KIAA1328: variants seen among roughly 807,000 people sequenced by gnomAD.
KIAA1328 encodes the protein protein hinderin.
A neutral mutation model predicts 68.1 loss-of-function variants in KIAA1328; 52 were observed. The observed-to-expected ratio is 0.76, with a 90% confidence interval of 0.61 to 0.96. The LOEUF (loss-of-function observed/expected upper bound fraction) is 0.96, where lower values mean the gene tolerates loss of function less well. Ranked by LOEUF, KIAA1328 falls within the 40% of genes least tolerant of loss-of-function variation. The probability of loss-of-function intolerance (pLI) is 0.00; values close to 1 mark genes in which losing one functional copy is unlikely to be tolerated. For synonymous variants in KIAA1328, 232 were observed against 239.4 expected, an observed-to-expected ratio of 0.97 and a Z score of 0.28; for missense variants, 641 against 677.6, an observed-to-expected ratio of 0.95 and a Z score of 0.60.
In KIAA1328 at chr18:37,076,236, G is replaced by A. The variant is rs1465346194; in HGVS notation, c.1232+8691G>A. ...AACAACCTGCTCCTGAATGACTACT[G>A]GGTACATAACGAAATGAAGGCAGAA... On this transcript the variant is annotated intron_variant, in intron 7 of 9. Coordinates refer to ENST00000280020, the MANE Select transcript of KIAA1328 (RefSeq NM_020776.3). 2.0e-5 allele frequency among the ~76,000 whole-genome samples: 3 copies of A among 152,188 alleles called. No homozygotes were observed. In the East Asian group the frequency reaches 5.8e-4, roughly 29 times the overall value.
intron 7 of KIAA1328, among the ~76,000 whole-genome samples, chr18:37,112,637 A>G (rs763724029): frequency 2.0e-4 from 30 of 152,240 alleles, no homozygotes; most frequent in African/African-American, 7.2e-4. Flanking sequence ...GCAACGGAAC[A>G]AAGCTGGACA....
At chr18:37,148,309 G>C (rs2058950461) in intron 7 of KIAA1328, among the ~76,000 whole-genome samples, 1 of 152,126 alleles carries the variant, frequency 6.6e-6, no homozygotes, top group Admixed American at 6.6e-5. Context: ...ACATGATCTT[G>C]TTCCTTTTTA....
At chr18:36,993,105 C>CA (rs957424404) in intron 6 of KIAA1328, among the ~76,000 whole-genome samples, 15 of 151,356 alleles carry the variant, frequency 9.9e-5, no homozygotes, top group African/African-American at 3.2e-4. Context: ...GATCCTGTCT[C>CA]AAAAAAACAA....
intron 1 of KIAA1328, among the ~76,000 whole-genome samples, chr18:36,833,884 A>T (rs909022807): frequency 6.6e-6 from 1 of 152,214 alleles, no homozygotes; most frequent in Non-Finnish European, 1.5e-5. Flanking sequence ...TTGTTCTTCA[A>T]AGCTAAAGTC....
intron 5 of KIAA1328, among the ~76,000 whole-genome samples, chr18:36,913,515 CACACACACTT>C (rs1361386570): frequency 8.4e-6 from 1 of 118,690 alleles, no homozygotes; most frequent in Non-Finnish European, 1.9e-5. Flanking sequence ...CACACACACA[CACACACACTT>C]AGAGGAAAGC....
At chr18:36,840,223 A>G (rs1269337252) in intron 3 of KIAA1328, among the ~76,000 whole-genome samples, 1 of 152,062 alleles carries the variant, frequency 6.6e-6, no homozygotes, top group Admixed American at 6.6e-5. Flanking sequence ...TCCAGTGATC[A>G]TTCTGTGTTG....
At chr18:37,042,792 G>A (rs1401314760) in intron 6 of KIAA1328, among the ~76,000 whole-genome samples, 1 of 152,048 alleles carries the variant, frequency 6.6e-6, no homozygotes, top group Non-Finnish European at 1.5e-5. Flanking sequence ...GGTCAAATTA[G>A]GATGTTTTTG....
chr18:36,875,722 G>C (rs1274395111), intron 4 of KIAA1328, among the ~76,000 whole-genome samples: 1 of 152,184 alleles, frequency 6.6e-6, no homozygotes, highest in East Asian at 1.9e-4. Context: ...GGAGTGGTGA[G>C]AGAGGGCATC....
chr18:37,109,680 A>G (rs551207273), intron 7 of KIAA1328, among the ~76,000 whole-genome samples: 1 of 152,370 alleles, frequency 6.6e-6, no homozygotes, highest in South Asian at 2.1e-4. Context: ...AAGCTGGTTA[A>G]TAAATTGTAT....
At chr18:37,041,794 C>T (rs1422339913) in intron 6 of KIAA1328, among the ~76,000 whole-genome samples, 1 of 152,056 alleles carries the variant, frequency 6.6e-6, no homozygotes. Flanking sequence ...AAGGTGAATA[C>T]CAACAGTATT....
At chr18:36,873,357 C>T (rs577181432) in intron 4 of KIAA1328, among the ~76,000 whole-genome samples, 4 of 152,306 alleles carry the variant, frequency 2.6e-5, no homozygotes, top group Admixed American at 6.5e-5. Context: ...AATGATTACC[C>T]TTCCTGCAAT....
chr18:37,219,737 G>T (rs937325587), intron 9 of KIAA1328, among the ~76,000 whole-genome samples: 7 of 152,266 alleles, frequency 4.6e-5, no homozygotes, highest in Middle Eastern at 3.4e-3. Flanking sequence ...GCCTGTCATG[G>T]CTTCCCTTGG....
At chr18:36,974,811 A>T (rs1304943063) in intron 6 of KIAA1328, among the ~76,000 whole-genome samples, 3 of 152,132 alleles carry the variant, frequency 2.0e-5, no homozygotes, top group African/African-American at 7.2e-5. Context: ...GGATTTTTCT[A>T]TTGTTCATTT....
At chr18:37,169,259 G>C (rs1412902596) in intron 8 of KIAA1328, among the ~76,000 whole-genome samples, 2 of 151,480 alleles carry the variant, frequency 1.3e-5, no homozygotes, top group African/African-American at 4.8e-5. Context: ...TCTGCCTCCT[G>C]GGTTCAAGCA....
intron 4 of KIAA1328, among the ~76,000 whole-genome samples, chr18:36,848,541 CTTTTTTTTTTTTTT>C (rs59271370): frequency 1.6e-4 from 6 of 38,144 alleles, no homozygotes; most frequent in African/African-American, 5.8e-4. Flanking sequence ...TCTATAGATG[CTTTTTTTTTTTTTT>C]TTTTTTTTTT....
At chr18:36,959,603 T>C (rs1202518210) in intron 6 of KIAA1328, among the ~76,000 whole-genome samples, 168 bp downstream of exon 6, 1 of 152,140 alleles carries the variant, frequency 6.6e-6, no homozygotes, top group Admixed American at 6.5e-5. Context: ...TCCTTTCTCC[T>C]CCTGTTCCTG....
At position 37,160,382 on chromosome 18, in the gene KIAA1328, G is replaced by A. The variant is rs2059253074; in HGVS notation, c.1414+1G>A. The A allele has an allele frequency of 6.2e-7, 1 of 1,610,046 alleles. No individual in the cohort carries two copies. Among genetic ancestry groups the A allele is most frequent in the Non-Finnish European group, 8.5e-7 (1 of 1,178,214 alleles). On this transcript the variant is annotated splice_donor_variant, in intron 8 of 9. Transcript: ENST00000280020. LOFTEE classifies it high-confidence loss of function. ...AAAGATACATGTAGACCCCAAAGAG[G>A]TAAGTTTAACAACTGTAGTGGCAAA...
chr18:37,011,309 C>T (rs1460941430), intron 6 of KIAA1328, among the ~76,000 whole-genome samples: 1 of 152,130 alleles, frequency 6.6e-6, no homozygotes, highest in Non-Finnish European at 1.5e-5. Context: ...ACCTATCCAC[C>T]TCAGTAAATG....
intron 9 of KIAA1328, among the ~76,000 whole-genome samples, chr18:37,201,982 T>C (rs2060123630): frequency 6.6e-6 from 1 of 152,212 alleles, no homozygotes; most frequent in African/African-American, 2.4e-5. Context: ...GTCAACGCCT[T>C]GGTGAAATAA....
Sources: gnomAD v4.1 joint callset for allele counts (sites outside exome capture counted in the v4.1 genomes callset) on GRCh38, gnomAD v4.1.1 for gene constraint, MANE v1.5 for transcripts, NCBI Gene and HGNC (gene_info 2026-07-23, HGNC 2026-07-21) for gene names.